The following MACROD2 variants were observed in gnomAD, a reference collection of about 807,000 sequenced individuals.
MACROD2 encodes the protein mono-ADP ribosylhydrolase 2.
In MACROD2, 36 loss-of-function variants were observed where a neutral mutation model predicts 70.4. That is an observed-to-expected ratio of 0.51 (90% confidence interval 0.39 to 0.68). MACROD2 has a LOEUF of 0.68. Ranked by LOEUF, MACROD2 falls within the 30% of genes least tolerant of loss-of-function variation. The pLI, the probability that MACROD2 is intolerant of heterozygous loss-of-function variation, is 0.00. For synonymous variants in MACROD2, 172 were observed against 178.8 expected, an observed-to-expected ratio of 0.96 and a Z score of 0.30; for missense variants, 496 against 538.4, an observed-to-expected ratio of 0.92 and a Z score of 0.78.
At chr20:15,844,451 C>T (rs370982111) in intron 8 of MACROD2, among the ~76,000 whole-genome samples, 30 of 152,146 alleles carry the variant, frequency 2.0e-4, no homozygotes, top group African/African-American at 6.8e-4. Flanking sequence ...TTTACTCCCC[C>T]AGATAGCCTA....
At chr20:15,300,091 C>T (rs2077627556) in intron 6 of MACROD2, among the ~76,000 whole-genome samples, 1 of 152,124 alleles carries the variant, frequency 6.6e-6, no homozygotes, top group Non-Finnish European at 1.5e-5. Context: ...CCAAACTGAA[C>T]TTGATACGTA....
At chr20:14,153,306 A>G (rs984665928) in intron 3 of MACROD2, among the ~76,000 whole-genome samples, 2 of 152,230 alleles carry the variant, frequency 1.3e-5, no homozygotes, top group African/African-American at 4.8e-5. Context: ...GAAAAATCCA[A>G]TGCAAAACCG....
At chr20:15,322,128 A>G (rs1408131415) in intron 6 of MACROD2, among the ~76,000 whole-genome samples, 2 of 143,824 alleles carry the variant, frequency 1.4e-5, no homozygotes, top group Admixed American at 7.0e-5. Context: ...GTTGAAATTT[A>G]TTCTAATTGT....
chr20:15,673,364 ACTCAT>A (rs1163848100), intron 8 of MACROD2, among the ~76,000 whole-genome samples: 1 of 152,140 alleles, frequency 6.6e-6, no homozygotes. Context: ...TTTATTAGTT[ACTCAT>A]CAGGGAGGGA....
At chr20:16,033,083 A>G (rs1236260605) in intron 15 of MACROD2, among the ~76,000 whole-genome samples, 1 of 152,058 alleles carries the variant, frequency 6.6e-6, no homozygotes, top group Non-Finnish European at 1.5e-5. Flanking sequence ...AAACTTAAAG[A>G]CTGAGAGTAA....
At chr20:15,884,257 A>G (rs1176495289) in intron 9 of MACROD2, among the ~76,000 whole-genome samples, 2 of 152,100 alleles carry the variant, frequency 1.3e-5, no homozygotes, top group South Asian at 2.1e-4. Context: ...ATCAGAAGCT[A>G]TGGCACCTAA....
At chr20:14,830,965 A>G (rs1231018892) in intron 5 of MACROD2, among the ~76,000 whole-genome samples, 1 of 152,162 alleles carries the variant, frequency 6.6e-6, no homozygotes, top group African/African-American at 2.4e-5. Context: ...TACCTAGTTC[A>G]AATCGTTTTC....
At chr20:15,658,171 C>T (rs562478034) in intron 8 of MACROD2, among the ~76,000 whole-genome samples, 41 of 150,662 alleles carry the variant, frequency 2.7e-4, no homozygotes, top group Admixed American at 1.8e-3. Flanking sequence ...TACTTGAAAA[C>T]GCTTTTTTAA....
rs180713165 is a variant in MACROD2 at position 15,534,481 on chromosome 20, G to A, written c.645+34634G>A. Among the ~76,000 whole-genome samples the A allele has an allele frequency of 3.5e-3, 540 of 152,240 alleles. 3 individuals carry two copies. Among genetic ancestry groups the A allele is most frequent in the African/African-American group, 0.012 (511 of 41,534 alleles). On this transcript the variant is annotated intron_variant, in intron 8 of 17. Transcript: ENST00000684519. ...TTTTTCTCCTGAGAAAAGCGTTTCT[G>A]TATAAATACATTCATTCTCCCTCCC...
intron 8 of MACROD2, among the ~76,000 whole-genome samples, chr20:15,547,907 C>T (rs1267810062): frequency 1.3e-5 from 2 of 152,192 alleles, no homozygotes; most frequent in Admixed American, 6.5e-5. Flanking sequence ...GTTTTACCCT[C>T]TCTAGTAATT....
chr20:14,494,514 T>C (rs2123108130), intron 4 of MACROD2, among the ~76,000 whole-genome samples: 1 of 152,290 alleles, frequency 6.6e-6, no homozygotes, highest in East Asian at 1.9e-4. Flanking sequence ...GTGCATGTTC[T>C]GTACCAGAGT....
chr20:14,582,293 A>G (rs1007997076), intron 4 of MACROD2, among the ~76,000 whole-genome samples: 1 of 152,076 alleles, frequency 6.6e-6, no homozygotes, highest in South Asian at 2.1e-4. Context: ...TCAGTTTATC[A>G]TATTATGATA....
intron 5 of MACROD2, among the ~76,000 whole-genome samples, chr20:14,814,824 T>TA (rs560635935): frequency 4.5e-4 from 68 of 151,512 alleles, no homozygotes; most frequent in Admixed American, 1.6e-3. Flanking sequence ...TGATAAAAGT[T>TA]AAAAAAAAGA....
At chr20:14,624,359 A>T (rs1003137967) in intron 4 of MACROD2, among the ~76,000 whole-genome samples, 1 of 152,186 alleles carries the variant, frequency 6.6e-6, no homozygotes, top group African/African-American at 2.4e-5. Context: ...TCTTTTACTA[A>T]GGGACATTTT....
Position 14,804,726 on chromosome 20 carries a change from A to G in MACROD2, c.418+119767A>G, listed in dbSNP as rs186790049. Among the ~76,000 whole-genome samples the G allele has an allele frequency of 1.5e-4, 23 of 152,156 alleles. No homozygotes were observed. The East Asian group carries it at 4.3e-3, about 28-fold the overall frequency. ...GACCTCCATGGAAACTACAATTACCAGGAAAGCCTCCTGTTGCCGTGGTCA... is the reference window on the plus strand; with the variant it reads ...GACCTCCATGGAAACTACAATTACCGGGAAAGCCTCCTGTTGCCGTGGTCA... On this transcript the variant is annotated intron_variant, in intron 5 of 17. Transcript: ENST00000684519.
rs576314114 is a variant in MACROD2 at position 14,657,164 on chromosome 20, C to T, written c.302-27679C>T. ...AAATTAATGTACCAAAGGGCATTTA[C>T]ATAACTTTGAATATGTTGATTCAAA... On this transcript the variant is annotated intron_variant, in intron 4 of 17. Transcript: ENST00000684519. 1.4e-4 allele frequency among the ~76,000 whole-genome samples: 22 copies of T among 152,326 alleles called. 1 individual carries two copies. The highest frequency in any genetic ancestry group is 5.1e-4 in the African/African-American group (21 of 41,580).
Position 14,361,781 on chromosome 20 carries a change from T to G in MACROD2, c.272-131698T>G, listed in dbSNP as rs535724618. Among the ~76,000 whole-genome samples the G allele has an allele frequency of 6.6e-5, 10 of 152,152 alleles. 1 individual carries two copies. The highest frequency in any genetic ancestry group is 2.2e-4 in the African/African-American group (9 of 41,436). On this transcript the variant is annotated intron_variant, in intron 3 of 17. Transcript: ENST00000684519. ...GAACAGGATGCCAAAAACAAGCCAA[T>G]AGCTGATGTGGCACCCAATGGGAAT...
intron 15 of MACROD2, among the ~76,000 whole-genome samples, chr20:16,035,018 C>T (rs1024475017): frequency 7.2e-6 from 1 of 139,716 alleles, no homozygotes; most frequent in African/African-American, 2.6e-5. Context: ...GAGTAGTATT[C>T]TATCATATAA....
intron 10 of MACROD2, among the ~76,000 whole-genome samples, chr20:15,892,075 G>A (rs772793375): frequency 2.0e-5 from 3 of 152,144 alleles, no homozygotes; most frequent in African/African-American, 7.2e-5. Flanking sequence ...AATGCCCTGA[G>A]CTCCCCACTG....
Sources: gnomAD v4.1 joint callset for allele counts (sites outside exome capture counted in the v4.1 genomes callset) on GRCh38, gnomAD v4.1.1 for gene constraint, MANE v1.5 for transcripts, NCBI Gene and HGNC (gene_info 2026-07-23, HGNC 2026-07-21) for gene names.